The following STXBP6 variants were observed in gnomAD, a reference collection of about 807,000 sequenced individuals.
STXBP6 encodes syntaxin-binding protein 6.
Under a neutral mutation model 26.9 loss-of-function variants are expected in STXBP6, and 21 were observed. The observed-to-expected ratio is 0.78, with a 90% confidence interval of 0.55 to 1.12. The LOEUF is 1.12. Ranked by LOEUF, STXBP6 falls within the 50% of genes most tolerant of loss-of-function variation. The pLI is 0.00. For synonymous variants in STXBP6, 97 were observed against 92.6 expected (o/e 1.05, Z -0.27); for missense variants, 232 against 257.9 (o/e 0.90, Z 0.69).
intron 4 of STXBP6, 83 bp downstream of exon 4, chr14:24,855,853 T>C: frequency 7.4e-7 from 1 of 1,347,188 alleles, no homozygotes; most frequent in Non-Finnish European, 1.0e-6. Flanking sequence ...TTGTCTTTAA[T>C]TATGCTGCTG....
At chr14:25,010,647 C>T (rs1251641701) in intron 1 of STXBP6, 2 of 152,218 alleles carry the variant, frequency 1.3e-5, no homozygotes, top group African/African-American at 4.8e-5. Context: ...GAAACTAAAG[C>T]ACAGAAAGGC....
chr14:25,044,063 C>T (rs989874878), intron 1 of STXBP6, among the ~76,000 whole-genome samples: 3 of 147,856 alleles, frequency 2.0e-5, no homozygotes, highest in African/African-American at 5.0e-5. Context: ...CCCAGCTACT[C>T]GGGAACCCAA....
chr14:24,937,132 C>T (rs1449252081), intron 2 of STXBP6, among the ~76,000 whole-genome samples: 3 of 152,146 alleles, frequency 2.0e-5, no homozygotes, highest in Admixed American at 6.5e-5. Flanking sequence ...CACACCAGGG[C>T]CTGTCGGCGG....
chr14:25,037,622 C>A (rs2075576590), intron 1 of STXBP6, among the ~76,000 whole-genome samples: 1 of 152,162 alleles, frequency 6.6e-6, no homozygotes, highest in South Asian at 2.1e-4. Context: ...TCCTTCCTTC[C>A]AGTGGGACTG....
rs566149180 is a variant in STXBP6, at chr14:25,009,733, A to G, written c.-32-34883T>C. The stretch of plus-strand genomic sequence containing the variant: ...ACATGTAGCCTCTTCATGCAAAACA[A>G]CATCACACACACACAAACTGCATTT... On this transcript the variant is annotated intron_variant, in intron 1 of 5. Transcript: ENST00000323944. Among the ~76,000 whole-genome samples, 35 of 152,316 alleles carry G rather than the reference A, an allele frequency of 2.3e-4. No homozygotes were observed. The South Asian group carries it at 3.1e-3, about 14-fold the overall frequency.
At chr14:24,933,788 A>C (rs1162223621) in intron 2 of STXBP6, among the ~76,000 whole-genome samples, 1 of 152,162 alleles carries the variant, frequency 6.6e-6, no homozygotes, top group Non-Finnish European at 1.5e-5. Flanking sequence ...ATTGTATCCT[A>C]CATTTTATCA....
chr14:25,041,095 G>T (rs1259467093), intron 1 of STXBP6, among the ~76,000 whole-genome samples: 1 of 152,206 alleles, frequency 6.6e-6, no homozygotes, highest in Non-Finnish European at 1.5e-5. Flanking sequence ...GCCGAGGTGG[G>T]TGGATCACCT....
intron 2 of STXBP6, among the ~76,000 whole-genome samples, chr14:24,918,650 A>G (rs948861734): frequency 2.0e-5 from 3 of 152,086 alleles, no homozygotes; most frequent in Non-Finnish European, 4.4e-5. Flanking sequence ...CGAATGCTTT[A>G]TTAAACACAG....
intron 1 of STXBP6, among the ~76,000 whole-genome samples, chr14:24,978,016 G>C (rs1218302023): frequency 6.6e-6 from 1 of 152,198 alleles, no homozygotes; most frequent in Non-Finnish European, 1.5e-5. Context: ...ACACTAACAG[G>C]ACAGTGTGGA....
At chr14:24,912,297 TTCAA>T (rs978155255) in intron 2 of STXBP6, among the ~76,000 whole-genome samples, 1 of 152,160 alleles carries the variant, frequency 6.6e-6, no homozygotes, top group African/African-American at 2.4e-5. Context: ...AGACTAGCTT[TTCAA>T]TCAAATAATT....
rs1380912303 is a variant in STXBP6, at chr14:24,809,521, T to C, written c.*3188A>G. ...CATTAGAACATATGTAATGACATTT[T>C]ATCATCATGCTAATACTAGTTCTGA... is the stretch of plus-strand genomic sequence containing the variant. On this transcript the variant is annotated 3_prime_UTR_variant, in exon 6 of 6. Coordinates refer to ENST00000323944, the MANE Select transcript of STXBP6 (RefSeq NM_001394410.1). The C allele has an allele frequency of 1.3e-5, 2 of 152,236 alleles. No homozygotes were observed. The highest frequency in any genetic ancestry group is 1.5e-5 in the Non-Finnish European group (1 of 68,044). 9.4% of individuals were successfully genotyped at this position (152,236 alleles called of 1,614,324 possible).
At chr14:24,978,569 A>G (rs1356781446) in intron 1 of STXBP6, among the ~76,000 whole-genome samples, 3 of 152,256 alleles carry the variant, frequency 2.0e-5, no homozygotes, top group South Asian at 4.2e-4. Flanking sequence ...AGTTACTCCA[A>G]CCTATATCAC....
intron 1 of STXBP6, among the ~76,000 whole-genome samples, chr14:24,997,229 G>A (rs1045064040): frequency 6.6e-6 from 1 of 152,046 alleles, no homozygotes; most frequent in Admixed American, 6.6e-5. Flanking sequence ...ACTCACATAC[G>A]CAGGTGCTCA....
chr14:24,999,980 G>A (rs575686185), intron 1 of STXBP6, among the ~76,000 whole-genome samples: 6 of 152,146 alleles, frequency 3.9e-5, no homozygotes, highest in African/African-American at 9.7e-5. Context: ...CAAATTATAC[G>A]AGTTTTTCCG....
chr14:24,928,403 C>T (rs1047652938), intron 2 of STXBP6, among the ~76,000 whole-genome samples: 3 of 143,994 alleles, frequency 2.1e-5, no homozygotes, highest in Admixed American at 6.9e-5. Context: ...TTTTTTTCCT[C>T]CAAGTTTTCT....
intron 2 of STXBP6, among the ~76,000 whole-genome samples, chr14:24,882,655 A>G (rs1048357153): frequency 1.3e-5 from 2 of 152,092 alleles, no homozygotes; most frequent in Non-Finnish European, 2.9e-5. Context: ...ATTCTCTTCT[A>G]GTTCACTACC....
intron 1 of STXBP6, among the ~76,000 whole-genome samples, chr14:25,035,412 C>A (rs976275550): frequency 2.6e-5 from 4 of 152,202 alleles, no homozygotes; most frequent in African/African-American, 9.6e-5. Context: ...ATTCAAAGTA[C>A]AAAGCACCAT....
chr14:25,033,241 C>T (rs2075492562), intron 1 of STXBP6, among the ~76,000 whole-genome samples: 1 of 152,190 alleles, frequency 6.6e-6, no homozygotes, highest in African/African-American at 2.4e-5. Context: ...CCTGTACTTT[C>T]AACCCATTAC....
intron 1 of STXBP6, among the ~76,000 whole-genome samples, chr14:25,048,576 A>C (rs2075759043): frequency 6.6e-6 from 1 of 152,234 alleles, no homozygotes; most frequent in East Asian, 1.9e-4. Flanking sequence ...GAGCAGTGTG[A>C]GGGTGTCCCT....
Sources: gnomAD v4.1 joint callset for allele counts (sites outside exome capture counted in the v4.1 genomes callset) on GRCh38, gnomAD v4.1.1 for gene constraint, MANE v1.5 for transcripts, NCBI Gene and HGNC (gene_info 2026-07-23, HGNC 2026-07-21) for gene names.